The following RCBTB1 variants were observed in gnomAD, a reference collection of about 807,000 sequenced individuals.
RCBTB1 encodes the protein RCC1 and BTB domain-containing protein 1.
In RCBTB1, 46 loss-of-function variants were observed where a neutral mutation model predicts 62.4. The observed-to-expected ratio is 0.74, with a 90% CI of 0.58 to 0.94. RCBTB1 has a LOEUF of 0.94. Among genes scored for constraint, RCBTB1 ranks in the 40% least tolerant of loss-of-function variants. RCBTB1 has a pLI of 0.00. For synonymous variants in RCBTB1, 222 were observed against 245.8 expected (o/e 0.90, Z 0.91); for missense variants, 565 against 654.9 (o/e 0.86, Z 1.50).
At chr13:49,555,768 A>G in intron 5 of RCBTB1, 95 bp from the exon 6 acceptor site, 2 of 909,038 alleles carry the variant, frequency 2.2e-6, no homozygotes, top group Non-Finnish European at 3.3e-6. Context: ...ATCCTACTTA[A>G]TGAGTACTTA....
intron 2 of RCBTB1, among the ~76,000 whole-genome samples, chr13:49,570,544 T>C (rs919780365): frequency 6.6e-6 from 1 of 152,264 alleles, no homozygotes; most frequent in East Asian, 1.9e-4. Context: ...GTATGACAGC[T>C]GTTTGCTGTT....
chr13:49,580,291 A>G (rs1964026002), intron 2 of RCBTB1, among the ~76,000 whole-genome samples: 1 of 152,212 alleles, frequency 6.6e-6, no homozygotes, highest in Admixed American at 6.5e-5. Context: ...AAGTTTAAAG[A>G]AATGGATAGA....
At chr13:49,556,470 G>A (rs562573394) in intron 5 of RCBTB1, among the ~76,000 whole-genome samples, 16 of 152,282 alleles carry the variant, frequency 1.1e-4, no homozygotes, top group South Asian at 6.2e-4. Context: ...GATTACAGGC[G>A]TGAGCCACCA....
intron 4 of RCBTB1, among the ~76,000 whole-genome samples, chr13:49,566,195 T>C (rs1466291887): frequency 1.3e-5 from 2 of 150,724 alleles, no homozygotes; most frequent in Non-Finnish European, 2.9e-5. Flanking sequence ...TGACCTTCCC[T>C]CCACTATTGT....
Position 49,548,143 on chromosome 13 carries a change from G to A in RCBTB1, c.1045+1315C>T, listed in dbSNP as rs569182645. On this transcript the variant is annotated intron_variant, in intron 9 of 12. Coordinates refer to ENST00000378302, the MANE Select transcript of RCBTB1 (RefSeq NM_018191.4). Reference sequence around the variant, plus strand: ...GCAGTGGCTCACGCCTGTAATCCCAGCACTTTGGGAGGCTGAGGCGGGCGG... The same window carrying A: ...GCAGTGGCTCACGCCTGTAATCCCAACACTTTGGGAGGCTGAGGCGGGCGG... 4.1e-3 allele frequency among the ~76,000 whole-genome samples: 630 copies of A among 152,150 alleles called. 4 individuals are homozygous for A. Among genetic ancestry groups the A allele is most frequent in the Middle Eastern group, 0.017 (5 of 294 alleles).
intron 5 of RCBTB1, among the ~76,000 whole-genome samples, chr13:49,556,821 G>C (rs191931960): frequency 6.6e-6 from 1 of 152,140 alleles, no homozygotes; most frequent in Non-Finnish European, 1.5e-5. Flanking sequence ...TTAATATTCA[G>C]TATAATTATT....
intron 1 of RCBTB1, among the ~76,000 whole-genome samples, chr13:49,580,968 G>T (rs1482392456): frequency 6.6e-6 from 1 of 152,182 alleles, no homozygotes; most frequent in African/African-American, 2.4e-5. Context: ...ACAGAATTGG[G>T]AAGTATGCTT....
intron 2 of RCBTB1, among the ~76,000 whole-genome samples, chr13:49,571,402 G>A (rs1963392348): frequency 6.6e-6 from 1 of 152,142 alleles, no homozygotes; most frequent in African/African-American, 2.4e-5. Context: ...AAATGCTTCT[G>A]CCTAGATTTG....
Position 49,534,206 on chromosome 13 carries a change from C to G in RCBTB1, c.1512G>C (p.Gln504His). Residue 504 changes from glutamine to histidine, a missense_variant, in exon 13 of 13, where the codon CAG (glutamine) becomes CAC (histidine). Physicochemically the swap from Gln to His is conservative, Grantham distance 24. Transcript: ENST00000378302. ...FCINHLTEVT[Q>H]TAAFWQMDGP... ...CATCCATTTGCCAAAATGCTGCAGT[C>G]TGTGTAACTTCTGTCAAATGATTGA... The G allele has an allele frequency of 6.2e-7, 1 of 1,614,110 alleles. No individual in the cohort carries two copies. Among genetic ancestry groups the G allele is most frequent in the Non-Finnish European group, 8.5e-7 (1 of 1,179,962 alleles).
In RCBTB1 at chr13:49,541,781, T is replaced by C. The variant is rs770564028; in HGVS notation, c.1219A>G (p.Met407Val). The change falls in exon 11 of 13, where the codon ATG becomes GTG. Residue 407 changes from methionine (M) to valine (V), a missense_variant. Coordinates refer to ENST00000378302, the MANE Select transcript of RCBTB1 (RefSeq NM_018191.4). ...SMFQSYWNEDMKEVIEIDQFS... is the reference protein window; with the variant it reads ...SMFQSYWNEDVKEVIEIDQFS... ...TGATCGATTTCTATCACTTCCTTCA[T>C]GTCTTCATTCCAATACGACTGGAAC... 2.5e-6 allele frequency: 4 copies of C among 1,614,126 alleles called. No homozygotes were observed. The highest frequency in any genetic ancestry group is 3.4e-6 in the Non-Finnish European group (4 of 1,180,024).
intron 1 of RCBTB1, among the ~76,000 whole-genome samples, chr13:49,585,146 G>A (rs1964323678): frequency 6.6e-6 from 1 of 152,166 alleles, no homozygotes; most frequent in Admixed American, 6.5e-5. Context: ...GAGCAAAATC[G>A]AGTCCGTGCA....
rs1305213153 is a variant in RCBTB1 at position 49,544,825 on chromosome 13, T to C, written c.1084A>G (p.Lys362Glu). Residue 362 changes from lysine to glutamate, a missense_variant, in exon 10 of 13, where the codon AAA (lysine) becomes GAA (glutamate). Lys to Glu is a moderately conservative substitution (Grantham distance 56). Coordinates refer to ENST00000378302, the MANE Select transcript of RCBTB1 (RefSeq NM_018191.4). ...GCAGTTTCTGGACTATCAAATTCTT[T>C]CTTCAGTGACTCTGCAACTGTTAAA... ...DFLTVAESLKKEFDSPETADL... is the reference protein window; with the variant it reads ...DFLTVAESLKEEFDSPETADL... 3.1e-6 allele frequency: 5 copies of C among 1,611,956 alleles called. No individual in the cohort carries two copies. Among genetic ancestry groups the C allele is most frequent in the Non-Finnish European group, 4.2e-6 (5 of 1,178,996 alleles).
Position 49,581,923 on chromosome 13 carries a change from G to A in RCBTB1, c.-121-1339C>T, listed in dbSNP as rs74077939. On this transcript the variant is annotated intron_variant, in intron 1 of 12. Coordinates refer to ENST00000378302, the MANE Select transcript of RCBTB1 (RefSeq NM_018191.4). The stretch of plus-strand genomic sequence containing the variant: ...AGGCCAGGTTGCAGCAGGTTGAGGC[G>A]TATGTGAAAGGTGAAGAAAAGGAAA... Among the ~76,000 whole-genome samples the A allele has an allele frequency of 2.6e-3, 393 of 152,354 alleles. 1 individual carries two copies. The highest frequency in any genetic ancestry group is 9.0e-3 in the African/African-American group (374 of 41,588).
intron 1 of RCBTB1, among the ~76,000 whole-genome samples, chr13:49,582,081 C>T (rs1316623778): frequency 2.0e-5 from 3 of 152,152 alleles, no homozygotes; most frequent in South Asian, 2.1e-4. Flanking sequence ...TTGTTAGAGG[C>T]TTGAACATGT....
intron 12 of RCBTB1, among the ~76,000 whole-genome samples, chr13:49,534,480 T>G (rs1959780966): frequency 6.6e-6 from 1 of 151,806 alleles, no homozygotes; most frequent in South Asian, 2.1e-4. Flanking sequence ...GTCCTCTAAC[T>G]CAAAGTACGA....
chr13:49,534,324 TTCTC>T lies in RCBTB1; in HGVS notation c.1456-66_1456-63del, dbSNP rs1263588176. On this transcript the variant is annotated intron_variant, in intron 12 of 12. Transcript: ENST00000378302. Reference sequence around the variant, plus strand: ...TTTTAGGCAACTTTGATTGAATTACTTCTCTCTGAGCCCTTTACCCCAAATCTCT... The same window carrying T: ...TTTTAGGCAACTTTGATTGAATTACTTCTGAGCCCTTTACCCCAAATCTCT... The T allele has an allele frequency of 6.5e-5, 100 of 1,545,350 alleles. 1 individual carries two copies. Among genetic ancestry groups the T allele is most frequent in the Admixed American group, 4.7e-4 (27 of 57,126 alleles).
intron 7 of RCBTB1, among the ~76,000 whole-genome samples, chr13:49,551,961 T>G (rs57604202): frequency 0.01 from 1,119 of 111,086 alleles, 13 homozygotes; most frequent in African/African-American, 0.044. Flanking sequence ...TTTTTCCATT[T>G]TTTTTTTTTT....
intron 2 of RCBTB1, among the ~76,000 whole-genome samples, chr13:49,571,561 G>C (rs1341686815): frequency 6.6e-6 from 1 of 152,164 alleles, no homozygotes; most frequent in South Asian, 2.1e-4. Flanking sequence ...GGCACAAAGT[G>C]TGTCTTCATT....
chr13:49,553,904 A>T (rs1006274336), intron 6 of RCBTB1, among the ~76,000 whole-genome samples: 5 of 152,248 alleles, frequency 3.3e-5, no homozygotes, highest in Admixed American at 3.3e-4. Context: ...TACTTGTATA[A>T]GTGTACAAAG....
Sources: allele counts gnomAD v4.1 joint callset (sites outside exome capture counted in the v4.1 genomes callset), GRCh38; gene constraint gnomAD v4.1.1; transcripts MANE v1.5; gene names NCBI Gene and HGNC (gene_info 2026-07-23, HGNC 2026-07-21).